COL23A1: variants seen among roughly 807,000 people sequenced by gnomAD.
The protein encoded by COL23A1 is collagen alpha-1(XXIII) chain.
In COL23A1, 97 loss-of-function variants were observed where a neutral mutation model predicts 99.3. The ratio of observed to expected loss-of-function variants is 0.98; its 90% confidence interval spans 0.83 to 1.16. The LOEUF (loss-of-function observed/expected upper bound fraction) is 1.16. Among genes scored for constraint, COL23A1 ranks in the 50% most tolerant of loss-of-function variants. The probability of loss-of-function intolerance (pLI) is 0.00; values close to 1 mark genes in which losing one functional copy is unlikely to be tolerated. For synonymous variants in COL23A1, 320 were observed against 308.2 expected, an observed-to-expected ratio of 1.04 and a Z score of -0.40; for missense variants, 762 against 757.4, an observed-to-expected ratio of 1.01 and a Z score of -0.07.
chr5:178,356,772 T>C (rs1198118961), intron 2 of COL23A1, among the ~76,000 whole-genome samples: 2 of 151,230 alleles, frequency 1.3e-5, no homozygotes, highest in Non-Finnish European at 2.9e-5. Flanking sequence ...TTACGCACCC[T>C]CCCCCGGCCG....
intron 1 of COL23A1, among the ~76,000 whole-genome samples, chr5:178,574,545 T>C (rs1763255722): frequency 6.6e-6 from 1 of 152,116 alleles, no homozygotes; most frequent in African/African-American, 2.4e-5. Flanking sequence ...CAGACGCCAA[T>C]GAAAAGGTTG....
At chr5:178,250,573 C>A (rs76518768) in intron 17 of COL23A1, among the ~76,000 whole-genome samples, 2,777 of 152,236 alleles carry the variant, frequency 0.018, 50 homozygotes, top group East Asian at 0.064. Context: ...AACACTACCC[C>A]CAACAGCAGC....
intron 2 of COL23A1, among the ~76,000 whole-genome samples, chr5:178,497,831 TA>T (rs1758275113): frequency 6.6e-6 from 1 of 151,850 alleles, no homozygotes; most frequent in Non-Finnish European, 1.5e-5. Context: ...TATTAAGACA[TA>T]ATGTGGAAAA....
chr5:178,300,159 C>A (rs752399017), intron 3 of COL23A1, among the ~76,000 whole-genome samples: 3 of 151,830 alleles, frequency 2.0e-5, no homozygotes, highest in Non-Finnish European at 4.4e-5. Context: ...TCCGCTCCTC[C>A]AGGTTTAAGC....
At chr5:178,247,977 C>T (rs1045104932) in intron 20 of COL23A1, 146 bp from the exon 21 acceptor site, 38 of 783,448 alleles carry the variant, frequency 4.9e-5, no homozygotes, top group Admixed American at 2.5e-4. Context: ...AGCTGGTCTG[C>T]GGAGCTTATA....
At chr5:178,479,167 C>A (rs746626612) in intron 2 of COL23A1, among the ~76,000 whole-genome samples, 1 of 152,134 alleles carries the variant, frequency 6.6e-6, no homozygotes, top group Non-Finnish European at 1.5e-5. Context: ...ATACTTAACA[C>A]CATCAGGCGC....
At chr5:178,490,893 G>A (rs1025985237) in intron 2 of COL23A1, among the ~76,000 whole-genome samples, 3 of 152,202 alleles carry the variant, frequency 2.0e-5, no homozygotes, top group African/African-American at 7.2e-5. Context: ...TTTACTGCAT[G>A]TAAATTATAC....
intron 2 of COL23A1, among the ~76,000 whole-genome samples, chr5:178,388,442 A>G (rs1763788645): frequency 6.6e-6 from 1 of 152,164 alleles, no homozygotes; most frequent in Admixed American, 6.5e-5. Flanking sequence ...ACACTTACTT[A>G]AGCAAGTGAC....
At position 178,387,230 on chromosome 5, in the gene COL23A1, G is replaced by A. The variant is rs1763722543; in HGVS notation, c.362-80311C>T. On this transcript the variant is annotated intron_variant, in intron 2 of 28. Coordinates refer to ENST00000390654, the MANE Select transcript of COL23A1 (RefSeq NM_173465.4). This position sits in a 1 kb window ranked among gnomAD's most constrained non-coding sequence, Gnocchi z 4.7. The stretch of plus-strand genomic sequence containing the variant: ...AATGGCCCCCACACACAGCCTCACC[G>A]AGGAAAGCCACGTTCTGTAGCCTGG... 6.6e-6 allele frequency among the ~76,000 whole-genome samples: 1 copy of A among 151,980 alleles called. No individual in the cohort carries two copies.
At chr5:178,339,485 C>T (rs1040386829) in intron 2 of COL23A1, among the ~76,000 whole-genome samples, 1 of 152,200 alleles carries the variant, frequency 6.6e-6, no homozygotes, top group African/African-American at 2.4e-5. Flanking sequence ...AGCCTCAGAT[C>T]CTGCACTGAC....
chr5:178,507,553 G>A (rs1288484834), intron 2 of COL23A1, among the ~76,000 whole-genome samples: 1 of 152,214 alleles, frequency 6.6e-6, no homozygotes, highest in Non-Finnish European at 1.5e-5. Flanking sequence ...GTCAATAAAT[G>A]TTTGCTGTTT....
intron 2 of COL23A1, among the ~76,000 whole-genome samples, chr5:178,328,029 T>G (rs1449338629): frequency 6.6e-6 from 1 of 152,288 alleles, no homozygotes; most frequent in Admixed American, 6.5e-5. Context: ...AATTCCAGGC[T>G]CTGGCCAGGC....
At chr5:178,466,558 T>C (rs1048763525) in intron 2 of COL23A1, among the ~76,000 whole-genome samples, 3 of 152,194 alleles carry the variant, frequency 2.0e-5, no homozygotes, top group Admixed American at 2.0e-4. Flanking sequence ...CACCCTCACC[T>C]TGAGCCCTGA....
intron 2 of COL23A1, among the ~76,000 whole-genome samples, chr5:178,419,670 G>A (rs1282110994): frequency 6.6e-6 from 1 of 152,070 alleles, no homozygotes; most frequent in South Asian, 2.1e-4. Context: ...ACTAAATATG[G>A]CCTGAGAAGG....
At chr5:178,251,412 GA>G (rs1384417589) in intron 17 of COL23A1, among the ~76,000 whole-genome samples, 1 of 151,962 alleles carries the variant, frequency 6.6e-6, no homozygotes, top group African/African-American at 2.4e-5. Context: ...AAGATACCTG[GA>G]AAAAAATCTC....
chr5:178,300,254 T>C (rs1757960398), intron 3 of COL23A1, among the ~76,000 whole-genome samples: 1 of 150,852 alleles, frequency 6.6e-6, no homozygotes, highest in African/African-American at 2.4e-5. Flanking sequence ...TATTTTTTTT[T>C]TTCAGTAGAG....
At chr5:178,254,767 T>C (rs1170141050) in intron 16 of COL23A1, among the ~76,000 whole-genome samples, 182 bp downstream of exon 16, 1 of 152,218 alleles carries the variant, frequency 6.6e-6, no homozygotes, top group Non-Finnish European at 1.5e-5. Context: ...AGGGGCTCTC[T>C]GAGGCGGGTC....
At chr5:178,531,180 T>TA (rs1760627711) in intron 2 of COL23A1, among the ~76,000 whole-genome samples, 1 of 152,216 alleles carries the variant, frequency 6.6e-6, no homozygotes, top group Non-Finnish European at 1.5e-5. Context: ...ATAAGCATTT[T>TA]AAGCTATGAA....
intron 2 of COL23A1, among the ~76,000 whole-genome samples, chr5:178,422,174 A>G (rs895130755): frequency 6.6e-6 from 1 of 152,120 alleles, no homozygotes; most frequent in Non-Finnish European, 1.5e-5. Flanking sequence ...GTGTCTGGAT[A>G]ATAGGTGAGC....
Sources: allele counts gnomAD v4.1 joint callset (sites outside exome capture counted in the v4.1 genomes callset), GRCh38; gene constraint gnomAD v4.1.1; non-coding constraint Gnocchi (gnomAD v3.1); transcripts MANE v1.5; gene names NCBI Gene and HGNC (gene_info 2026-07-23, HGNC 2026-07-21).